The following ZSWIM6 variants were observed in gnomAD, a reference collection of about 807,000 sequenced individuals.
ZSWIM6 encodes the protein zinc finger SWIM-type containing 6.
Under a neutral mutation model 113.2 loss-of-function variants are expected in ZSWIM6, and 9 were observed. The observed-to-expected ratio is 0.08, with a 90% CI of 0.05 to 0.14. The LOEUF (loss-of-function observed/expected upper bound fraction) is 0.14, where lower values mean the gene tolerates loss of function less well. Ranked by LOEUF, ZSWIM6 falls within the 10% of genes least tolerant of loss-of-function variation. ZSWIM6 has a pLI of 1.00. For synonymous variants in ZSWIM6, 611 were observed against 606.5 expected (o/e 1.01, Z -0.11); for missense variants, 1,162 against 1,552.2 (o/e 0.75, Z 4.22).
chr5:61,385,066 A>G (rs1400482662), intron 1 of ZSWIM6, among the ~76,000 whole-genome samples: 3 of 152,074 alleles, frequency 2.0e-5, no homozygotes, highest in Admixed American at 6.5e-5. Flanking sequence ...TCTCAAAAAA[A>G]AATCTTGGAG....
At chr5:61,491,160 G>A (rs907248299) in intron 3 of ZSWIM6, among the ~76,000 whole-genome samples, 1 of 151,858 alleles carries the variant, frequency 6.6e-6, no homozygotes, top group African/African-American at 2.4e-5. Flanking sequence ...CAATAAAATG[G>A]TGATAATTTA....
At position 61,332,294 on chromosome 5, in the gene ZSWIM6, C is replaced by T. The variant is rs1483067522; in HGVS notation, c.22C>T (p.Pro8Ser). 2 of 1,167,476 alleles carry T rather than the reference C, an allele frequency of 1.7e-6. No individual in the cohort carries two copies. Among genetic ancestry groups the T allele is most frequent in the East Asian group, 3.8e-5 (1 of 26,530 alleles). 72.3% of individuals were successfully genotyped at this position (1,167,476 alleles called of 1,614,324 possible). The change falls in exon 1 of 14, where the codon CCT (proline) becomes TCT (serine). Residue 8 changes from proline to serine, a missense_variant. This residue lies in a region of ZSWIM6 where 333 missense variants were observed against 293.4 expected (regional missense o/e 1.13). Coordinates refer to ENST00000252744, the MANE Select transcript of ZSWIM6 (RefSeq NM_020928.2). MAERGQQ[P>S]PPAKRLCCRP... ...GGTCATGGCGGAGCGCGGACAGCAG[C>T]CTCCTCCCGCGAAACGGCTTTGCTG...
intron 5 of ZSWIM6, among the ~76,000 whole-genome samples, chr5:61,522,229 T>C (rs1004435761): frequency 6.6e-5 from 10 of 152,138 alleles, no homozygotes; most frequent in Admixed American, 1.3e-4. Context: ...GAATGTTCTC[T>C]TCCCTTTCAA....
At chr5:61,529,594 C>T (rs933255203) in intron 7 of ZSWIM6, among the ~76,000 whole-genome samples, 5 of 152,216 alleles carry the variant, frequency 3.3e-5, no homozygotes, top group African/African-American at 1.2e-4. Context: ...AGAGAGGTCT[C>T]TTCTGCATAT....
rs1217285956 is a variant in ZSWIM6 at position 61,520,210 on chromosome 5, A to G, written c.1334-1053A>G. On this transcript the variant is annotated intron_variant, in intron 4 of 13. Coordinates refer to ENST00000252744, the MANE Select transcript of ZSWIM6 (RefSeq NM_020928.2). ...TAAAACATAAACAGTTTTCATTCCT[A>G]CCATTATTATGCATTTAACAAATGA... Among the ~76,000 whole-genome samples the G allele has an allele frequency of 2.6e-5, 4 of 152,236 alleles. No homozygotes were observed. The South Asian group carries it at 8.3e-4, about 31-fold the overall frequency.
intron 1 of ZSWIM6, among the ~76,000 whole-genome samples, chr5:61,372,797 CCAT>C (rs1561211768): frequency 6.6e-6 from 1 of 152,102 alleles, no homozygotes; most frequent in East Asian, 1.9e-4. Context: ...GTAAATGACA[CCAT>C]CATTTATATC....
chr5:61,454,121 G>T (rs1026049323), intron 1 of ZSWIM6, among the ~76,000 whole-genome samples: 19 of 151,616 alleles, frequency 1.3e-4, no homozygotes, highest in Admixed American at 1.2e-3. Context: ...TTTATTCTTT[G>T]AGTTGTAATC....
At chr5:61,389,304 C>T (rs1745652369) in intron 1 of ZSWIM6, among the ~76,000 whole-genome samples, 1 of 151,506 alleles carries the variant, frequency 6.6e-6, no homozygotes, top group African/African-American at 2.4e-5. Flanking sequence ...GCCTGTAATC[C>T]TAGCACTTTG....
chr5:61,385,425 A>G (rs1309403379), intron 1 of ZSWIM6, among the ~76,000 whole-genome samples: 1 of 152,230 alleles, frequency 6.6e-6, no homozygotes, highest in Non-Finnish European at 1.5e-5. Context: ...ATAAATGAGA[A>G]GAATAATGAA....
chr5:61,364,232 A>G (rs1012214692), intron 1 of ZSWIM6, among the ~76,000 whole-genome samples: 3 of 151,998 alleles, frequency 2.0e-5, no homozygotes, highest in Non-Finnish European at 2.9e-5. Flanking sequence ...TTCAGAAAAC[A>G]TAATAGCATA....
intron 1 of ZSWIM6, among the ~76,000 whole-genome samples, chr5:61,452,259 T>C (rs1747100098): frequency 6.6e-6 from 1 of 152,226 alleles, no homozygotes; most frequent in African/African-American, 2.4e-5. Flanking sequence ...AGGTTGTGTT[T>C]ATAGTTCATT....
At position 61,504,787 on chromosome 5, in the gene ZSWIM6, TA is replaced by T. The variant is rs200126215; in HGVS notation, c.1333+10378del. Among the ~76,000 whole-genome samples the T allele has an allele frequency of 6.4e-3, 981 of 152,292 alleles. 8 individuals carry two copies. The highest frequency in any genetic ancestry group is 0.02 in the African/African-American group (850 of 41,558). On this transcript the variant is annotated intron_variant, in intron 4 of 13. Transcript: ENST00000252744. Reference sequence around the variant, plus strand: ...TGTATCAGTGGCTCAGGGAAGCACTTATGCGTAAATATGGATGGTGGACAGT... The same window carrying T: ...TGTATCAGTGGCTCAGGGAAGCACTTTGCGTAAATATGGATGGTGGACAGT...
chr5:61,450,227 A>G (rs147761841), intron 1 of ZSWIM6, among the ~76,000 whole-genome samples: 17 of 152,102 alleles, frequency 1.1e-4, no homozygotes, highest in African/African-American at 3.4e-4. Flanking sequence ...TTCCCCTCCA[A>G]CAATCTGGCA....
chr5:61,431,723 C>T (rs1020664123), intron 1 of ZSWIM6, among the ~76,000 whole-genome samples: 5 of 151,800 alleles, frequency 3.3e-5, no homozygotes, highest in Non-Finnish European at 7.4e-5. Context: ...CCAGCCTGGG[C>T]GACAGAGTGA....
chr5:61,332,562 G>T lies in ZSWIM6; in HGVS notation c.290G>T (p.Arg97Leu), dbSNP rs934240229. 4 of 1,364,510 alleles carry T rather than the reference G, an allele frequency of 2.9e-6. No homozygotes were observed. The highest frequency in any genetic ancestry group is 1.6e-5 in the African/African-American group (1 of 64,454). 84.5% of individuals were successfully genotyped at this position (1,364,510 alleles called of 1,614,324 possible). A position where few individuals can be genotyped will look rare whatever the true frequency, so the allele number is the denominator to read the frequency against. The change falls in exon 1 of 14, where the codon CGC becomes CTC. Residue 97 changes from arginine (R) to leucine (L), a missense_variant. Transcript: ENST00000252744. Reference sequence around the variant, plus strand: ...TGGCCGTTCCAGCGCGTGGAGGAGCGCTTTGAGCGCATCCCGGAGCCGGTG... The same window carrying T: ...TGGCCGTTCCAGCGCGTGGAGGAGCTCTTTGAGCGCATCCCGGAGCCGGTG... The part of the protein sequence containing the change: ...EKWPFQRVEE[R>L]FERIPEPVQR...
chr5:61,334,066 A>C (rs867149160), intron 1 of ZSWIM6, among the ~76,000 whole-genome samples: 2 of 152,228 alleles, frequency 1.3e-5, no homozygotes, highest in Admixed American at 6.5e-5. Flanking sequence ...AACCAAACAA[A>C]AGAGTCTCTT....
chr5:61,494,148 A>ACACT, intron 3 of ZSWIM6, 112 bp from the exon 4 acceptor site: 1 of 702,212 alleles, frequency 1.4e-6, no homozygotes, highest in Non-Finnish European at 2.1e-6. Context: ...ACACACACGG[A>ACACT]GAGAGAGAGA....
chr5:61,476,493 T>G (rs1453022445), intron 2 of ZSWIM6, among the ~76,000 whole-genome samples: 1 of 152,214 alleles, frequency 6.6e-6, no homozygotes, highest in Non-Finnish European at 1.5e-5. Context: ...CACATAATTT[T>G]AATTAGATTA....
At chr5:61,385,196 C>G (rs904645681) in intron 1 of ZSWIM6, among the ~76,000 whole-genome samples, 5 of 152,196 alleles carry the variant, frequency 3.3e-5, no homozygotes, top group Non-Finnish European at 7.3e-5. Flanking sequence ...AACACAAATA[C>G]TGGTTAATGG....
Sources: gnomAD v4.1 joint callset for allele counts (sites outside exome capture counted in the v4.1 genomes callset) on GRCh38, gnomAD v4.1.1 for gene constraint, gnomAD v4.1.1 regional missense constraint, MANE v1.5 for transcripts, NCBI Gene and HGNC (gene_info 2026-07-23, HGNC 2026-07-21) for gene names.